The following HPCAL1 variants were observed in gnomAD, a reference collection of about 807,000 sequenced individuals.
The protein encoded by HPCAL1 is hippocalcin like 1.
A neutral mutation model predicts 17.1 loss-of-function variants in HPCAL1; 8 were observed. That is an observed-to-expected ratio of 0.47 (90% CI 0.27 to 0.84). The LOEUF is 0.84. Among genes scored for constraint, HPCAL1 ranks in the 40% least tolerant of loss-of-function variants. HPCAL1 has a pLI of 0.13. For synonymous variants in HPCAL1, 112 were observed against 111.4 expected (o/e 1.01, Z -0.03); for missense variants, 165 against 271.1 (o/e 0.61, Z 2.75).
At chr2:10,355,520 A>G (rs913684578) in intron 1 of HPCAL1, among the ~76,000 whole-genome samples, 1 of 150,530 alleles carries the variant, frequency 6.6e-6, no homozygotes, top group Non-Finnish European at 1.5e-5. Context: ...ATCACTCAGA[A>G]GTAGGTGGGT....
At chr2:10,393,833 G>GC in intron 1 of HPCAL1, among the ~76,000 whole-genome samples, 1 of 152,072 alleles carries the variant, frequency 6.6e-6, no homozygotes, top group Non-Finnish European at 1.5e-5. Context: ...TCCCCTTTAG[G>GC]CCCGGGCGTG....
intron 1 of HPCAL1, among the ~76,000 whole-genome samples, chr2:10,307,894 C>G (rs1280019460): frequency 6.6e-6 from 1 of 152,230 alleles, no homozygotes. Flanking sequence ...CTCCCCAACC[C>G]CACCAAACCT....
intron 3 of HPCAL1, 104 bp downstream of exon 3, chr2:10,420,239 GA>G: frequency 2.1e-6 from 2 of 930,648 alleles, no homozygotes; most frequent in Non-Finnish European, 3.0e-6. Flanking sequence ...TTTAAGACAG[GA>G]ATCTTGCTCT....
chr2:10,426,722 A>C lies in HPCAL1; in HGVS notation c.485-2A>C. 6.2e-7 allele frequency: 1 copy of C among 1,612,502 alleles called. No homozygotes were observed. Among genetic ancestry groups the C allele is most frequent in the Non-Finnish European group, 8.5e-7 (1 of 1,179,124 alleles). On this transcript the variant is annotated splice_acceptor_variant, in intron 4 of 4. Transcript: ENST00000307845. LOFTEE classifies it high-confidence loss of function. ...AATCCCATTGTCTCTGGTCCCCTGC[A>C]GGCAAACTGTCCTTGGAAGAATTCA...
chr2:10,385,161 G>A (rs928920709), intron 1 of HPCAL1, among the ~76,000 whole-genome samples: 2 of 151,538 alleles, frequency 1.3e-5, no homozygotes, highest in Non-Finnish European at 1.5e-5. Context: ...CACTGAGTGC[G>A]CATGTGAGTG....
intron 4 of HPCAL1, 165 bp downstream of exon 4, chr2:10,423,253 C>T (rs1038031074): frequency 1.6e-6 from 1 of 637,714 alleles, no homozygotes; most frequent in African/African-American, 1.8e-5. Context: ...GGGATGCAGT[C>T]AGGGACACCC....
chr2:10,356,255 G>A (rs1666145699), intron 1 of HPCAL1, among the ~76,000 whole-genome samples: 1 of 152,168 alleles, frequency 6.6e-6, no homozygotes, highest in Admixed American at 6.5e-5. Context: ...GAGAAGACAG[G>A]ACGGGCCTAT....
At chr2:10,412,782 C>A (rs1489615138) in intron 2 of HPCAL1, among the ~76,000 whole-genome samples, 1 of 152,218 alleles carries the variant, frequency 6.6e-6, no homozygotes, top group African/African-American at 2.4e-5. Context: ...TTTGGGGCCC[C>A]AGTTGCCCTG....
intron 2 of HPCAL1, among the ~76,000 whole-genome samples, chr2:10,399,522 A>ACCGCCG (rs1228199865): frequency 1.7e-5 from 2 of 121,064 alleles, no homozygotes; most frequent in African/African-American, 8.2e-5. Context: ...CGCCGCCACC[A>ACCGCCG]CCGCCACTGC....
rs550682647 is a variant in HPCAL1, at chr2:10,419,825, C to A, written c.68C>A (p.Thr23Asn). Residue 23 changes from threonine (T) to asparagine (N), a missense_variant, in exon 3 of 5, where the codon ACC becomes AAC. Transcript: ENST00000307845. This position sits in a 1 kb window ranked among gnomAD's most constrained non-coding sequence, Gnocchi z 5.0. ...GACCTGCGGGAGAACACGGAGTTCACCGACCACGAGCTGCAGGAGTGGTAC... is the reference window on the plus strand; with the variant it reads ...GACCTGCGGGAGAACACGGAGTTCAACGACCACGAGCTGCAGGAGTGGTAC... ...LQDLRENTEF[T>N]DHELQEWYKG... is the part of the protein sequence containing the mutation. The A allele has an allele frequency of 2.5e-6, 4 of 1,613,692 alleles. No homozygotes were observed. The highest frequency in any genetic ancestry group is 3.3e-5 in the Admixed American group (2 of 60,024).
intron 1 of HPCAL1, among the ~76,000 whole-genome samples, chr2:10,369,888 G>A (rs979096311): frequency 6.6e-6 from 1 of 152,232 alleles, no homozygotes; most frequent in African/African-American, 2.4e-5. Flanking sequence ...CCCCCAGTGT[G>A]TCCTTGAGAC....
intron 1 of HPCAL1, among the ~76,000 whole-genome samples, chr2:10,353,053 G>C (rs780023327): frequency 6.6e-6 from 1 of 152,196 alleles, no homozygotes; most frequent in African/African-American, 2.4e-5. Flanking sequence ...TTAGGGTAAG[G>C]GAAGAATGAA....
At chr2:10,336,034 C>T (rs1053857037) in intron 1 of HPCAL1, among the ~76,000 whole-genome samples, 1 of 151,662 alleles carries the variant, frequency 6.6e-6, no homozygotes, top group Non-Finnish European at 1.5e-5. Context: ...ATTGCATGTT[C>T]ATATCCTCTG....
chr2:10,393,869 C>A (rs746575032), intron 1 of HPCAL1, among the ~76,000 whole-genome samples: 1 of 151,088 alleles, frequency 6.6e-6, no homozygotes, highest in Non-Finnish European at 1.5e-5. Context: ...AATCCCAGTA[C>A]TGAGGGAGGC....
intron 1 of HPCAL1, among the ~76,000 whole-genome samples, chr2:10,312,479 G>C (rs1663046457): frequency 7.0e-6 from 1 of 143,404 alleles, no homozygotes; most frequent in African/African-American, 2.6e-5. Context: ...CATCATTACT[G>C]TCATCATCAC....
intron 2 of HPCAL1, among the ~76,000 whole-genome samples, chr2:10,399,157 A>G (rs1669259787): frequency 6.7e-6 from 1 of 149,534 alleles, no homozygotes; most frequent in Admixed American, 6.7e-5. Context: ...GTCCATTCCC[A>G]TCCCCAGACC....
chr2:10,424,864 C>G lies in HPCAL1; in HGVS notation c.484+1776C>G, dbSNP rs565098788. 4 of 337,814 alleles carry G rather than the reference C, an allele frequency of 1.2e-5. No individual in the cohort carries two copies. The East Asian group carries it at 3.1e-4, about 26-fold the overall frequency. The allele number at this position is 337,814 out of a possible 1,614,324, so 20.9% of individuals were successfully genotyped here. ...AGTTTGCCCCAACTTCCCTGGCCAC[C>G]CTGGAAGGTGCCTGGCTGCTCCAGG... On this transcript the variant is annotated intron_variant, in intron 4 of 4. Coordinates refer to ENST00000307845, the MANE Select transcript of HPCAL1 (RefSeq NM_002149.4).
chr2:10,398,012 G>A (rs1338948701), intron 2 of HPCAL1, among the ~76,000 whole-genome samples: 1 of 152,162 alleles, frequency 6.6e-6, no homozygotes, highest in Non-Finnish European at 1.5e-5. Context: ...GCAGGACCTG[G>A]CTGCCCCACA....
At chr2:10,397,540 C>T (rs1041344353) in intron 2 of HPCAL1, among the ~76,000 whole-genome samples, 5 of 152,214 alleles carry the variant, frequency 3.3e-5, no homozygotes, top group African/African-American at 7.2e-5. Context: ...GCTCTGGGTG[C>T]GAGGAAGGCT....
Sources: gnomAD v4.1 joint callset for allele counts (sites outside exome capture counted in the v4.1 genomes callset) on GRCh38, gnomAD v4.1.1 for gene constraint, Gnocchi (gnomAD v3.1) non-coding constraint, MANE v1.5 for transcripts, NCBI Gene and HGNC (gene_info 2026-07-23, HGNC 2026-07-21) for gene names.